The following PRKN variants were observed in gnomAD, a reference collection of about 807,000 sequenced individuals.
The protein encoded by PRKN is parkin RBR E3 ubiquitin protein ligase, also known as E3 ubiquitin-protein ligase parkin.
A neutral mutation model predicts 59.5 loss-of-function variants in PRKN; 56 were observed. The ratio of observed to expected loss-of-function variants is 0.94; its 90% CI spans 0.76 to 1.18. PRKN has a LOEUF of 1.18. Ranked by LOEUF, PRKN falls within the 50% of genes most tolerant of loss-of-function variation. The probability of loss-of-function intolerance (pLI) is 0.00; values close to 1 mark genes in which losing one functional copy is unlikely to be tolerated. For missense variants in PRKN, 657 were observed against 596.4 expected (o/e 1.10, Z -1.06); for synonymous variants, 250 against 222.1 (o/e 1.13, Z -1.12).
intron 7 of PRKN, among the ~76,000 whole-genome samples, chr6:161,620,626 G>C (rs138050860): frequency 6.6e-6 from 1 of 152,226 alleles, no homozygotes; most frequent in African/African-American, 2.4e-5. Context: ...ACTTTGCATC[G>C]ACATTTCCTG....
intron 4 of PRKN, among the ~76,000 whole-genome samples, chr6:162,093,869 T>A (rs1486772194): frequency 6.6e-6 from 1 of 152,210 alleles, no homozygotes; most frequent in Non-Finnish European, 1.5e-5. Flanking sequence ...CACCTCGTGC[T>A]GAGCACATGC....
chr6:162,311,194 T>C (rs1239631198), intron 2 of PRKN, among the ~76,000 whole-genome samples: 1 of 152,138 alleles, frequency 6.6e-6, no homozygotes, highest in African/African-American at 2.4e-5. Flanking sequence ...ATTTATAACT[T>C]TGAGATTTAA....
chr6:162,685,657 T>G (rs1779941716), intron 1 of PRKN, among the ~76,000 whole-genome samples: 1 of 152,154 alleles, frequency 6.6e-6, no homozygotes, highest in South Asian at 2.1e-4. Context: ...TTACTAAAAG[T>G]TAAATTCAGT....
At chr6:161,859,195 G>C (rs539218347) in intron 6 of PRKN, among the ~76,000 whole-genome samples, 75 of 151,986 alleles carry the variant, frequency 4.9e-4, no homozygotes, top group Non-Finnish European at 1.0e-3. Context: ...ACTAAGTAAG[G>C]CTTCCGTAAG....
intron 6 of PRKN, among the ~76,000 whole-genome samples, chr6:161,927,093 T>C (rs1244307136): frequency 6.6e-6 from 1 of 151,856 alleles, no homozygotes; most frequent in South Asian, 2.1e-4. Context: ...TACTATACAC[T>C]AAAATGAAAA....
intron 6 of PRKN, among the ~76,000 whole-genome samples, chr6:161,832,811 C>T (rs556019495): frequency 3.8e-4 from 57 of 151,970 alleles, no homozygotes; most frequent in Admixed American, 1.1e-3. Flanking sequence ...TTTGTGGCGG[C>T]GCCTGTGCCC....
chr6:162,633,245 C>T (rs1248163586), intron 1 of PRKN, among the ~76,000 whole-genome samples: 3 of 151,496 alleles, frequency 2.0e-5, no homozygotes, highest in Non-Finnish European at 4.4e-5. Context: ...ACCAGCCTGG[C>T]CGACGTGGTG....
chr6:162,358,537 A>T (rs192995089), intron 2 of PRKN, among the ~76,000 whole-genome samples: 22 of 152,196 alleles, frequency 1.4e-4, no homozygotes, highest in African/African-American at 5.1e-4. Flanking sequence ...TGTTCATAAA[A>T]GAACTTATTT....
intron 2 of PRKN, among the ~76,000 whole-genome samples, chr6:162,308,628 T>C (rs1036389928): frequency 2.0e-5 from 3 of 152,150 alleles, no homozygotes. Flanking sequence ...CTTTTGCCAT[T>C]TGTGGTAATG....
intron 6 of PRKN, among the ~76,000 whole-genome samples, chr6:161,840,335 C>T (rs1051362819): frequency 6.6e-6 from 1 of 152,208 alleles, no homozygotes; most frequent in African/African-American, 2.4e-5. Context: ...GAATCAGCAG[C>T]TAAAGTGCAT....
At chr6:162,436,738 G>A (rs567405602) in intron 2 of PRKN, among the ~76,000 whole-genome samples, 2 of 122,076 alleles carry the variant, frequency 1.6e-5, no homozygotes, top group East Asian at 4.9e-4. Flanking sequence ...TAAAGAGTTT[G>A]CAAATAAATA....
rs1034672382 is a variant in PRKN, at chr6:161,387,376, G to C, written c.1084-499C>G. 2.0e-5 allele frequency among the ~76,000 whole-genome samples: 3 copies of C among 152,332 alleles called. No homozygotes were observed. The East Asian group carries it at 5.8e-4, about 29-fold the overall frequency. The stretch of plus-strand genomic sequence containing the variant: ...CTTCTCCTTCCTGCCACCATGTGAA[G>C]AAGGATGTGTTTGCTTCCCCTTCCA... On this transcript the variant is annotated intron_variant, in intron 9 of 11. Transcript: ENST00000366898.
chr6:162,241,605 G>C (rs1167667323), intron 3 of PRKN, among the ~76,000 whole-genome samples: 1 of 152,042 alleles, frequency 6.6e-6, no homozygotes, highest in African/African-American at 2.4e-5. Flanking sequence ...GTCACTTTAA[G>C]TATTTCCCTA....
chr6:161,377,133 C>T lies in PRKN; in HGVS notation c.1167+9661G>A, dbSNP rs868032540. 6.6e-6 allele frequency among the ~76,000 whole-genome samples: 1 copy of T among 152,218 alleles called. No homozygotes were observed. On this transcript the variant is annotated intron_variant, in intron 10 of 11. Coordinates refer to ENST00000366898, the MANE Select transcript of PRKN (RefSeq NM_004562.3). This position sits in a 1 kb window ranked among gnomAD's most constrained non-coding sequence, Gnocchi z 4.2. ...GAGGTCACGTGGGGCTACCTGCGGG[C>T]CAATAAGAGCATCCCAGCAAAGATT...
chr6:161,706,108 C>T lies in PRKN; in HGVS notation c.871+79664G>A, dbSNP rs145260526. On this transcript the variant is annotated intron_variant, in intron 7 of 11. Coordinates refer to ENST00000366898, the MANE Select transcript of PRKN (RefSeq NM_004562.3). ...CCACTTTCATTCCCCTCCTTTCCCCCCACATCCTCAATTCTACCTAACAAA... is the reference window on the plus strand; with the variant it reads ...CCACTTTCATTCCCCTCCTTTCCCCTCACATCCTCAATTCTACCTAACAAA... 6.1e-3 allele frequency among the ~76,000 whole-genome samples: 930 copies of T among 152,132 alleles called. 1 individual carries two copies. The highest frequency in any genetic ancestry group is 0.011 in the Non-Finnish European group (744 of 67,998).
chr6:162,121,676 A>C (rs1780920709), intron 4 of PRKN, among the ~76,000 whole-genome samples: 1 of 152,184 alleles, frequency 6.6e-6, no homozygotes, highest in African/African-American at 2.4e-5. Flanking sequence ...CTGGGTCCTG[A>C]TACAGACTAA....
chr6:162,016,383 G>A (rs1455597584), intron 5 of PRKN, among the ~76,000 whole-genome samples: 2 of 152,018 alleles, frequency 1.3e-5, no homozygotes, highest in Non-Finnish European at 2.9e-5. Context: ...CTGCCCCTTG[G>A]ACAAAATATC....
At chr6:162,296,892 T>G (rs946138051) in intron 2 of PRKN, among the ~76,000 whole-genome samples, 1 of 152,128 alleles carries the variant, frequency 6.6e-6, no homozygotes, top group African/African-American at 2.4e-5. Context: ...GCTTTCCAAA[T>G]CTATCATTCT....
Position 162,393,481 on chromosome 6 carries a change from G to C in PRKN, c.171+49829C>G, listed in dbSNP as rs1773572920. On this transcript the variant is annotated intron_variant, in intron 2 of 11. Coordinates refer to ENST00000366898, the MANE Select transcript of PRKN (RefSeq NM_004562.3). ...GGCCGAGGCTAGGAGATTCATAGAG[G>C]ACAGAGAAGACATTCTAGGCTTCAT... Among the ~76,000 whole-genome samples the C allele has an allele frequency of 2.0e-5, 3 of 151,980 alleles. No individual in the cohort carries two copies. The South Asian group carries it at 6.2e-4, about 32-fold the overall frequency.
Sources: allele counts gnomAD v4.1 joint callset (sites outside exome capture counted in the v4.1 genomes callset), GRCh38; gene constraint gnomAD v4.1.1; non-coding constraint Gnocchi (gnomAD v3.1); transcripts MANE v1.5; gene names NCBI Gene and HGNC (gene_info 2026-07-23, HGNC 2026-07-21).